FOXO1: variants seen among roughly 807,000 people sequenced by gnomAD.
FOXO1 encodes the protein forkhead box protein O1.
FOXO1 carries 6 observed loss-of-function variants against 44.1 expected under a neutral mutation model. The ratio of observed to expected loss-of-function variants is 0.14; its 90% CI spans 0.07 to 0.27. The LOEUF is 0.27. Among genes scored for constraint, FOXO1 ranks in the 10% least tolerant of loss-of-function variants. The pLI is 1.00. For synonymous variants in FOXO1, 380 were observed against 362.7 expected (o/e 1.05, Z -0.54); for missense variants, 737 against 888.8 (o/e 0.83, Z 2.17).
chr13:40,625,560 G>A (rs10162172), intron 1 of FOXO1, among the ~76,000 whole-genome samples: 2,172 of 151,556 alleles, frequency 0.014, 28 homozygotes, highest in Non-Finnish European at 0.024. Flanking sequence ...ACAATAATCC[G>A]TTATTAGCTT....
intron 1 of FOXO1, among the ~76,000 whole-genome samples, chr13:40,584,741 A>C (rs553651217): frequency 1.3e-5 from 2 of 152,236 alleles, no homozygotes; most frequent in Admixed American, 6.5e-5. Flanking sequence ...CCCAATAACC[A>C]AGCACATAAA....
Position 40,560,309 on chromosome 13 carries a change from T to G in FOXO1, c.1182A>C (p.Ser394=). Residue 394 remains serine, a synonymous_variant, in exon 2 of 3, where the codon TCA becomes TCC. Transcript: ENST00000379561. The surrounding 1 kb of genome is among the most constrained non-coding windows in gnomAD (Gnocchi z 5.1). ...GCGTCTGCTGCATCATGGTGCCAGG[T>G]GAGGACTGGGTCGAAACAGTTAATG... The part of the protein sequence containing the change: ...PTSLTVSTQS[S]PGTMMQQTPC... 6.2e-7 allele frequency: 1 copy of G among 1,614,108 alleles called. No individual in the cohort carries two copies. The highest frequency in any genetic ancestry group is 2.2e-5 in the East Asian group (1 of 44,866).
intron 1 of FOXO1, among the ~76,000 whole-genome samples, chr13:40,567,691 C>T (rs140212707): frequency 2.6e-4 from 40 of 152,228 alleles, no homozygotes; most frequent in African/African-American, 7.9e-4. Flanking sequence ...ACAATGTGGG[C>T]GGGCGTGGTG....
intron 1 of FOXO1, among the ~76,000 whole-genome samples, chr13:40,661,939 C>G (rs982448000): frequency 6.6e-6 from 1 of 151,928 alleles, no homozygotes; most frequent in Non-Finnish European, 1.5e-5. Context: ...TTTAGGAGAT[C>G]AAGGCAGGCA....
At chr13:40,631,823 AG>A (rs547074611) in intron 1 of FOXO1, among the ~76,000 whole-genome samples, 20 of 152,372 alleles carry the variant, frequency 1.3e-4, no homozygotes, top group African/African-American at 4.8e-4. Flanking sequence ...AGATGAAAAG[AG>A]TTCTGAAGAT....
intron 1 of FOXO1, among the ~76,000 whole-genome samples, chr13:40,628,390 C>CACACACACACACA (rs201043730): frequency 6.6e-6 from 1 of 150,858 alleles, no homozygotes; most frequent in Admixed American, 6.6e-5. Context: ...CACACACACA[C>CACACACACACACA]CCCGTGAGGG....
At chr13:40,561,603 AAAG>A (rs532861931) in intron 1 of FOXO1, among the ~76,000 whole-genome samples, 36 of 152,130 alleles carry the variant, frequency 2.4e-4, no homozygotes, top group Admixed American at 3.9e-4. Flanking sequence ...CCATTTACAT[AAAG>A]AAGTTTTATA....
chr13:40,587,973 G>A (rs953943616), intron 1 of FOXO1, among the ~76,000 whole-genome samples: 2 of 152,066 alleles, frequency 1.3e-5, no homozygotes, highest in Non-Finnish European at 2.9e-5. Flanking sequence ...TAACATTTTC[G>A]GGCTAGAACG....
chr13:40,560,255 G>C lies in FOXO1; in HGVS notation c.1236C>G (p.Thr412=). 6.2e-7 allele frequency: 1 copy of C among 1,614,158 alleles called. No homozygotes were observed. The change falls in exon 2 of 3, where the codon ACC becomes ACG. Residue 412 remains threonine, a synonymous_variant. Transcript: ENST00000379561. This position sits in a 1 kb window ranked among gnomAD's most constrained non-coding sequence, Gnocchi z 5.1. ...AGTTTGGGCTGGGTGAATTCAAACT[G>C]GTGTTTGGTGGCGCAAACGAGTAGC... ...TPCYSFAPPN[T]SLNSPSPNYQ...
chr13:40,620,003 T>C (rs997548852), intron 1 of FOXO1: 1 of 731,434 alleles, frequency 1.4e-6, no homozygotes, highest in African/African-American at 1.7e-5. Context: ...AGTGGCACTG[T>C]TTGTCATAAT....
chr13:40,636,394 G>A (rs970665111), intron 1 of FOXO1, among the ~76,000 whole-genome samples: 2 of 152,112 alleles, frequency 1.3e-5, no homozygotes, highest in African/African-American at 4.8e-5. Flanking sequence ...AATGGGCTGG[G>A]CCCAGTGGCT....
At chr13:40,567,830 T>C (rs542250278) in intron 1 of FOXO1, among the ~76,000 whole-genome samples, 18 of 152,230 alleles carry the variant, frequency 1.2e-4, no homozygotes, top group African/African-American at 4.1e-4. Flanking sequence ...TAGCTGGGCA[T>C]GGTGGTGGGC....
intron 1 of FOXO1, among the ~76,000 whole-genome samples, chr13:40,593,092 T>C (rs188236568): frequency 1.5e-4 from 23 of 152,282 alleles, no homozygotes; most frequent in Admixed American, 1.2e-3. Context: ...GGCGTGATCA[T>C]TGCTTACTGC....
At position 40,559,726 on chromosome 13, in the gene FOXO1, T is replaced by C; in HGVS notation, c.1765A>G (p.Arg589Gly). 4 of 1,613,910 alleles carry C rather than the reference T, an allele frequency of 2.5e-6. No homozygotes were observed. Among genetic ancestry groups the C allele is most frequent in the Admixed American group, 1.7e-5 (1 of 60,002 alleles). The change falls in exon 2 of 3, where the codon AGA becomes GGA. Residue 589 changes from arginine to glycine, a missense_variant. Around this residue, in one of 7 missense-constraint regions of FOXO1, gnomAD observed 283 missense variants for 278.1 expected, o/e 1.02. Transcript: ENST00000379561. ...TTCTCCTGGTGGAGAAGGCCCATTCTGCCATAGCCATTGCAGCTGCTCACG... is the reference window on the plus strand; with the variant it reads ...TTCTCCTGGTGGAGAAGGCCCATTCCGCCATAGCCATTGCAGCTGCTCACG... ...SSVSSCNGYG[R>G]MGLLHQEKLP...
chr13:40,637,719 C>T (rs1877208839), intron 1 of FOXO1, among the ~76,000 whole-genome samples: 1 of 152,172 alleles, frequency 6.6e-6, no homozygotes, highest in African/African-American at 2.4e-5. Flanking sequence ...TTACATTCTT[C>T]ACACGAGTAA....
chr13:40,608,118 T>C (rs942575255), intron 1 of FOXO1, among the ~76,000 whole-genome samples: 7 of 152,210 alleles, frequency 4.6e-5, no homozygotes, highest in African/African-American at 1.7e-4. Context: ...CACCATATAA[T>C]CTCATAACCA....
chr13:40,595,255 A>G (rs74044537), intron 1 of FOXO1, among the ~76,000 whole-genome samples: 4,743 of 152,308 alleles, frequency 0.031, 214 homozygotes, highest in African/African-American at 0.11. Flanking sequence ...AGAGCTTGAC[A>G]CACTTTGTAA....
At chr13:40,617,108 G>A (rs1056939655) in intron 1 of FOXO1, among the ~76,000 whole-genome samples, 1 of 152,244 alleles carries the variant, frequency 6.6e-6, no homozygotes, top group Non-Finnish European at 1.5e-5. Flanking sequence ...TGGGATAACA[G>A]AAGAGAAATG....
intron 1 of FOXO1, among the ~76,000 whole-genome samples, chr13:40,592,452 G>A (rs1241342626): frequency 2.6e-5 from 4 of 152,192 alleles, no homozygotes; most frequent in African/African-American, 7.2e-5. Context: ...CCAGAACAAA[G>A]CTTTTCACTT....
Sources: allele counts gnomAD v4.1 joint callset (sites outside exome capture counted in the v4.1 genomes callset), GRCh38; gene constraint gnomAD v4.1.1; regional missense constraint gnomAD v4.1.1; non-coding constraint Gnocchi (gnomAD v3.1); transcripts MANE v1.5; gene names NCBI Gene and HGNC (gene_info 2026-07-23, HGNC 2026-07-21).